The following ERCC6L2 variants were observed in gnomAD, a reference collection of about 807,000 sequenced individuals.
The protein encoded by ERCC6L2 is ERCC excision repair 6 like 2.
In ERCC6L2, 77 loss-of-function variants were observed where a neutral mutation model predicts 132.0. The ratio of observed to expected loss-of-function variants is 0.58; its 90% confidence interval spans 0.49 to 0.71. The LOEUF (loss-of-function observed/expected upper bound fraction) is 0.71. Ranked by LOEUF, ERCC6L2 falls within the 30% of genes least tolerant of loss-of-function variation. The pLI is 0.00. For synonymous variants in ERCC6L2, 583 were observed against 632.4 expected, an observed-to-expected ratio of 0.92 and a Z score of 1.17; for missense variants, 1,542 against 1,837.6, an observed-to-expected ratio of 0.84 and a Z score of 2.94.
In ERCC6L2 at chr9:95,916,302, A is replaced by T; in HGVS notation, c.1026A>T (p.Arg342Ser). 6 of 1,614,140 alleles carry T rather than the reference A, an allele frequency of 3.7e-6. No homozygotes were observed. The highest frequency in any genetic ancestry group is 5.1e-6 in the Non-Finnish European group (6 of 1,180,004). The change falls in exon 6 of 19, where the codon AGA becomes AGT. Residue 342 changes from arginine to serine, a missense_variant. Around this residue, in one of 4 missense-constraint regions of ERCC6L2, gnomAD observed 945 missense variants for 1,105.2 expected, o/e 0.86. Transcript: ENST00000653738. ...CTGACCCAGTAGAACATGGTCAGAG[A>T]CACACGGCAACAAAGAGAGAACTAG... ...QFSDPVEHGQ[R>S]HTATKRELAT...
chr9:95,925,381 T>C (rs968588212), intron 9 of ERCC6L2, among the ~76,000 whole-genome samples: 1 of 152,208 alleles, frequency 6.6e-6, no homozygotes, highest in Non-Finnish European at 1.5e-5. Flanking sequence ...AAGGGTCATG[T>C]TCATCTTTCT....
chr9:95,888,074 T>TG (rs1215983180), intron 2 of ERCC6L2, among the ~76,000 whole-genome samples: 1 of 151,920 alleles, frequency 6.6e-6, no homozygotes. Flanking sequence ...TGTGGTTTTT[T>TG]TTTTTTTTTC....
chr9:96,003,450 C>A (rs972041063), intron 17 of ERCC6L2, among the ~76,000 whole-genome samples: 5 of 152,218 alleles, frequency 3.3e-5, no homozygotes, highest in Non-Finnish European at 7.3e-5. Flanking sequence ...GTGTTTGTCA[C>A]CAGTGATTCT....
intron 11 of ERCC6L2, among the ~76,000 whole-genome samples, chr9:95,930,315 A>G (rs772442012): frequency 2.3e-4 from 35 of 152,102 alleles, no homozygotes; most frequent in Non-Finnish European, 1.8e-4. Context: ...TTCTGTGACA[A>G]TTTGAGTAAT....
At chr9:95,898,138 T>C (rs1828565415) in intron 3 of ERCC6L2, among the ~76,000 whole-genome samples, 167 bp downstream of exon 3, 1 of 152,114 alleles carries the variant, frequency 6.6e-6, no homozygotes, top group African/African-American at 2.4e-5. Flanking sequence ...TTTGAAAGAT[T>C]ACCAATTTTA....
chr9:95,893,608 T>C lies in ERCC6L2; in HGVS notation c.472-4241T>C, dbSNP rs117795806. ...AACTTTCTTTGTGGAAGGTTTATAATTACATATTCAGGTTTATTTCATGGT... is the reference window on the plus strand; with the variant it reads ...AACTTTCTTTGTGGAAGGTTTATAACTACATATTCAGGTTTATTTCATGGT... On this transcript the variant is annotated intron_variant, in intron 2 of 18. Coordinates refer to ENST00000653738, the MANE Select transcript of ERCC6L2 (RefSeq NM_020207.7). 1.4e-4 allele frequency among the ~76,000 whole-genome samples: 22 copies of C among 152,308 alleles called. No individual in the cohort carries two copies. In the East Asian group the frequency reaches 4.2e-3, roughly 29 times the overall value.
At chr9:95,965,033 A>G (rs1832088968) in intron 13 of ERCC6L2, among the ~76,000 whole-genome samples, 1 of 152,182 alleles carries the variant, frequency 6.6e-6, no homozygotes, top group African/African-American at 2.4e-5. Context: ...CCGGGCTATC[A>G]CTTGTATCAA....
chr9:96,039,825 A>C (rs983366936), intron 20 of ERCC6L2, among the ~76,000 whole-genome samples: 12 of 152,128 alleles, frequency 7.9e-5, no homozygotes, highest in Non-Finnish European at 1.5e-4. Flanking sequence ...TGTGGCCAAG[A>C]CAGAGCAGGC....
chr9:95,915,558 A>C, intron 4 of ERCC6L2, 110 bp from the exon 5 acceptor site: 1 of 1,186,972 alleles, frequency 8.4e-7, no homozygotes, highest in Non-Finnish European at 1.2e-6. Flanking sequence ...CAAAGAGTAA[A>C]AAGGAAAAAA....
chr9:95,986,539 C>G (rs1833103829), intron 17 of ERCC6L2, among the ~76,000 whole-genome samples: 1 of 147,966 alleles, frequency 6.8e-6, no homozygotes, highest in Non-Finnish European at 1.5e-5. Context: ...TGGTGTCACC[C>G]AGGCCAGTGT....
intron 2 of ERCC6L2, among the ~76,000 whole-genome samples, chr9:95,882,614 A>G (rs1427298929): frequency 1.3e-5 from 2 of 152,138 alleles, no homozygotes; most frequent in African/African-American, 4.8e-5. Context: ...TAAATTTAAC[A>G]TTTATAAATA....
At chr9:95,963,913 A>ACTACTGCT (rs1222913915) in intron 13 of ERCC6L2, among the ~76,000 whole-genome samples, 38 of 152,134 alleles carry the variant, frequency 2.5e-4, no homozygotes, top group Admixed American at 2.5e-3. Context: ...GACCTGCCCT[A>ACTACTGCT]CTACTGCTCA....
chr9:95,950,014 C>CA lies in ERCC6L2; in HGVS notation c.1848-5883dup, dbSNP rs80349353. 9.4e-3 allele frequency among the ~76,000 whole-genome samples: 644 copies of CA among 68,356 alleles called. 3 individuals carry two copies. Among genetic ancestry groups the CA allele is most frequent in the South Asian group, 0.012 (29 of 2,400 alleles). 44.8% of individuals were successfully genotyped at this position (68,356 alleles called of 152,430 possible). On this transcript the variant is annotated intron_variant, in intron 12 of 18. Coordinates refer to ENST00000653738, the MANE Select transcript of ERCC6L2 (RefSeq NM_020207.7). ...TGGGAGACAGGGTGAGACTCCGTCT[C>CA]AAAAAAAAAAAAAAAAATCCTAAAG...
chr9:96,039,043 A>T, exon 20 of ERCC6L2: 3 of 418,298 alleles, frequency 7.2e-6, no homozygotes, highest in South Asian at 5.0e-5. Context: ...CAACACACGC[A>T]GATGATCATG....
At chr9:96,020,722 T>C (rs1054867263), downstream of ERCC6L2, 1 of 452,430 alleles carries the variant, frequency 2.2e-6, no homozygotes, top group African/African-American at 2.0e-5. Flanking sequence ...GAAACATGCT[T>C]TGCGCTGGAG....
chr9:95,957,894 T>C lies in ERCC6L2; in HGVS notation c.1947+1881T>C, dbSNP rs1196706364. ...TGTTTTTGTTTTTTTTTTTAAATTA[T>C]ACTTTAAGTTTTGGGATACATGTGC... is the stretch of plus-strand genomic sequence containing the variant. On this transcript the variant is annotated intron_variant, in intron 13 of 18. Transcript: ENST00000653738. Among the ~76,000 whole-genome samples the C allele has an allele frequency of 3.3e-5, 5 of 151,870 alleles. No homozygotes were observed. In the East Asian group the frequency reaches 9.7e-4, roughly 29 times the overall value.
At chr9:95,917,455 T>A (rs968657543) in intron 6 of ERCC6L2, among the ~76,000 whole-genome samples, 1 of 152,302 alleles carries the variant, frequency 6.6e-6, no homozygotes, top group East Asian at 1.9e-4. Context: ...ATCCTCTTGA[T>A]TGTTTCTTTA....
Position 95,875,856 on chromosome 9 carries a change from A to C in ERCC6L2, c.-183A>C, listed in dbSNP as rs2132480941. ...CCTCCCGTTCTGCTTGGGTCCCCTT[A>C]GTCGCTACCTTTGCTGGGATCCCCC... On this transcript the variant is annotated 5_prime_UTR_variant, in exon 1 of 19. Transcript: ENST00000653738. 1 of 619,376 alleles carries C rather than the reference A, an allele frequency of 1.6e-6. No homozygotes were observed. The highest frequency in any genetic ancestry group is 2.8e-5 in the East Asian group (1 of 35,722). 38.4% of individuals were successfully genotyped at this position (619,376 alleles called of 1,614,324 possible). A position where few individuals can be genotyped will look rare whatever the true frequency, so the allele number is the denominator to read the frequency against.
At chr9:95,897,570 G>A (rs772992722) in intron 2 of ERCC6L2, among the ~76,000 whole-genome samples, 2 of 152,104 alleles carry the variant, frequency 1.3e-5, no homozygotes, top group Non-Finnish European at 2.9e-5. Context: ...CAAATAAGAA[G>A]GTAGTGTCTC....
Sources: gnomAD v4.1 joint callset for allele counts (sites outside exome capture counted in the v4.1 genomes callset) on GRCh38, gnomAD v4.1.1 for gene constraint, gnomAD v4.1.1 regional missense constraint, MANE v1.5 for transcripts, NCBI Gene and HGNC (gene_info 2026-07-23, HGNC 2026-07-21) for gene names.